Variants in WWOX observed in about 807,000 individuals in gnomAD.
WWOX encodes WW domain containing oxidoreductase, also known as WW domain-containing oxidoreductase.
WWOX carries 69 observed loss-of-function variants against 46.2 expected under a neutral mutation model. The observed-to-expected ratio is 1.49, with a 90% confidence interval of 1.23 to 1.82. The LOEUF is 1.82. Among genes scored for constraint, WWOX ranks in the 40% most tolerant of loss-of-function variants. The pLI is 0.00. For synonymous variants in WWOX, 359 were observed against 202.6 expected (o/e 1.77, Z -6.56); for missense variants, 919 against 542.6 (o/e 1.69, Z -6.89).
intron 8 of WWOX, chr16:78,897,651 C>T (rs1162029492): frequency 6.6e-6 from 1 of 152,120 alleles, no homozygotes; most frequent in Admixed American, 6.5e-5. Flanking sequence ...ATCCTGTATA[C>T]ATGTTTTTAT....
chr16:78,204,254 TA>T, intron 5 of WWOX, among the ~76,000 whole-genome samples: 1 of 152,336 alleles, frequency 6.6e-6, no homozygotes. Context: ...AATCTCTTTT[TA>T]AAATTTTTTT....
intron 5 of WWOX, among the ~76,000 whole-genome samples, chr16:78,179,254 C>T (rs1294653779): frequency 6.6e-6 from 1 of 152,140 alleles, no homozygotes; most frequent in African/African-American, 2.4e-5. Flanking sequence ...CAAATTTGTG[C>T]AAACCTAATA....
chr16:78,577,634 G>A (rs945046294), intron 8 of WWOX, among the ~76,000 whole-genome samples: 1 of 152,070 alleles, frequency 6.6e-6, no homozygotes, highest in Non-Finnish European at 1.5e-5. Flanking sequence ...ATTTAAATGG[G>A]GATGATTACA....
chr16:78,289,381 C>A (rs1283216377), intron 5 of WWOX, among the ~76,000 whole-genome samples: 3 of 152,016 alleles, frequency 2.0e-5, no homozygotes, highest in African/African-American at 7.2e-5. Context: ...AAGATTGTTC[C>A]ACATCAGGAA....
At chr16:78,242,743 C>T (rs1410695541) in intron 5 of WWOX, among the ~76,000 whole-genome samples, 1 of 152,188 alleles carries the variant, frequency 6.6e-6, no homozygotes, top group Admixed American at 6.5e-5. Context: ...CACAGTGGCT[C>T]ACGCCTGTAA....
intron 8 of WWOX, among the ~76,000 whole-genome samples, chr16:78,652,332 C>T (rs766420963): frequency 6.7e-6 from 1 of 149,538 alleles, no homozygotes; most frequent in Non-Finnish European, 1.5e-5. Flanking sequence ...TCACTTGAAC[C>T]CGGGAGGTGG....
At chr16:78,424,520 G>A (rs1419772794) in intron 6 of WWOX, among the ~76,000 whole-genome samples, 1 of 152,178 alleles carries the variant, frequency 6.6e-6, no homozygotes, top group African/African-American at 2.4e-5. Context: ...GATGAATTAA[G>A]AAAGAATTAA....
intron 8 of WWOX, among the ~76,000 whole-genome samples, chr16:79,175,738 C>A (rs143006323): frequency 7.2e-5 from 11 of 152,168 alleles, no homozygotes; most frequent in African/African-American, 2.7e-4. Flanking sequence ...CAAAAAAGAT[C>A]CTTTCAGAGT....
chr16:78,932,043 T>G lies in WWOX; in HGVS notation c.1057-279565T>G, dbSNP rs192112284. Among the ~76,000 whole-genome samples, 477 of 152,342 alleles carry G rather than the reference T, an allele frequency of 3.1e-3. 4 individuals are homozygous for G. Among genetic ancestry groups the G allele is most frequent in the African/African-American group, 0.011 (451 of 41,574 alleles). ...GCCTTCTGCCGTGATTGTGAGACTT[T>G]CCCAGCCATGTGGAACTGTGAGTCC... is the stretch of plus-strand genomic sequence containing the variant. On this transcript the variant is annotated intron_variant, in intron 8 of 8. Coordinates refer to ENST00000566780, the MANE Select transcript of WWOX (RefSeq NM_016373.4).
At chr16:79,183,794 A>G (rs2050959342) in intron 8 of WWOX, among the ~76,000 whole-genome samples, 1 of 152,190 alleles carries the variant, frequency 6.6e-6, no homozygotes, top group Non-Finnish European at 1.5e-5. Context: ...TAGGTCCCAG[A>G]GCTGGAATTT....
At chr16:78,589,238 G>A (rs1442861453) in intron 8 of WWOX, among the ~76,000 whole-genome samples, 1 of 152,202 alleles carries the variant, frequency 6.6e-6, no homozygotes, top group Non-Finnish European at 1.5e-5. Context: ...GGAACAGAGG[G>A]AGAAGGATAG....
At chr16:78,630,172 C>T (rs539540329) in intron 8 of WWOX, among the ~76,000 whole-genome samples, 5 of 152,216 alleles carry the variant, frequency 3.3e-5, no homozygotes, top group Admixed American at 6.5e-5. Flanking sequence ...ATGATGATGG[C>T]GTGATGATTG....
chr16:78,469,314 C>G (rs572527519), intron 8 of WWOX, among the ~76,000 whole-genome samples: 27 of 152,230 alleles, frequency 1.8e-4, no homozygotes, highest in African/African-American at 6.5e-4. Context: ...TGTTTTCCAT[C>G]TAAGAGCAGA....
intron 8 of WWOX, among the ~76,000 whole-genome samples, chr16:79,099,014 C>T (rs572945586): frequency 2.6e-5 from 4 of 152,230 alleles, no homozygotes; most frequent in East Asian, 3.9e-4. Flanking sequence ...GGGAGGGCCT[C>T]AGGCTGCTTT....
chr16:78,503,341 C>A (rs1313706353), intron 8 of WWOX, among the ~76,000 whole-genome samples: 1 of 152,130 alleles, frequency 6.6e-6, no homozygotes, highest in African/African-American at 2.4e-5. Context: ...TACCTTCCAA[C>A]TGTTCCACTT....
chr16:78,661,648 G>A (rs2047215872), intron 8 of WWOX, among the ~76,000 whole-genome samples: 1 of 152,070 alleles, frequency 6.6e-6, no homozygotes, highest in South Asian at 2.1e-4. Flanking sequence ...GCTGAGAGGT[G>A]GGGAGGGGGT....
At chr16:78,535,776 GGGAAGAGAGAA>G (rs1251290937) in intron 8 of WWOX, 1 of 152,168 alleles carries the variant, frequency 6.6e-6, no homozygotes, top group African/African-American at 2.4e-5. Flanking sequence ...ATGGGATCAG[GGGAAGAGAGAA>G]GGAAGAGAGA....
chr16:78,105,045 G>T (rs73562750), intron 1 of WWOX, among the ~76,000 whole-genome samples: 3,801 of 152,316 alleles, frequency 0.025, 174 homozygotes, highest in African/African-American at 0.087. Context: ...CCCCAGGGAT[G>T]GTTGTGTCCT....
intron 6 of WWOX, among the ~76,000 whole-genome samples, chr16:78,416,178 T>A (rs562724767): frequency 2.2e-4 from 33 of 152,378 alleles, no homozygotes; most frequent in African/African-American, 7.9e-4. Flanking sequence ...TATTTTTGTT[T>A]CCATTCTGTC....
Sources: allele counts gnomAD v4.1 joint callset (sites outside exome capture counted in the v4.1 genomes callset), GRCh38; gene constraint gnomAD v4.1.1; transcripts MANE v1.5; gene names NCBI Gene and HGNC (gene_info 2026-07-23, HGNC 2026-07-21).